The following GLIS3 variants were observed in gnomAD, a reference collection of about 807,000 sequenced individuals.
The protein encoded by GLIS3 is zinc finger protein GLIS3.
GLIS3 carries 53 observed loss-of-function variants against 78.6 expected under a neutral mutation model. That is an observed-to-expected ratio of 0.67 (90% confidence interval 0.54 to 0.85). GLIS3 has a LOEUF of 0.85. GLIS3 is among the 40% of genes least tolerant of loss of function. The probability of loss-of-function intolerance (pLI) is 0.00; values close to 1 mark genes in which losing one functional copy is unlikely to be tolerated. For synonymous variants in GLIS3, 684 were observed against 509.9 expected (o/e 1.34, Z -4.60); for missense variants, 1,703 against 1,231.1 (o/e 1.38, Z -5.74).
At chr9:4,397,514 G>A in the GLIS3 span, among the ~76,000 whole-genome samples, 2 of 151,730 alleles carry the variant, frequency 1.3e-5, no homozygotes, top group East Asian at 1.9e-4. Flanking sequence ...CCACCACCCA[G>A]AAACTGTTGA....
the GLIS3 span, among the ~76,000 whole-genome samples, chr9:4,373,189 G>C: frequency 2.6e-4 from 40 of 152,160 alleles, no homozygotes; most frequent in African/African-American, 8.9e-4. Context: ...GAACTTTCCT[G>C]ATAGTACCTG....
chr9:4,360,184 A>T, the GLIS3 span, among the ~76,000 whole-genome samples: 5 of 152,194 alleles, frequency 3.3e-5, no homozygotes, highest in African/African-American at 1.2e-4. Context: ...GGAGGATTGG[A>T]ATCATCACCC....
intron 4 of GLIS3, among the ~76,000 whole-genome samples, chr9:4,037,250 A>G (rs981696649): frequency 1.3e-5 from 2 of 152,206 alleles, no homozygotes; most frequent in Non-Finnish European, 2.9e-5. Context: ...ACAGGAGCCT[A>G]GCACGGATAC....
intron 9 of GLIS3, among the ~76,000 whole-genome samples, chr9:3,832,860 C>G (rs1259267843): frequency 1.3e-5 from 2 of 152,194 alleles, no homozygotes; most frequent in African/African-American, 4.8e-5. Context: ...ACTCCCACAA[C>G]TTCACAAATA....
rs1325257064 is a variant in GLIS3 at position 4,052,462 on chromosome 9, C to T, written c.1710+65306G>A. Among the ~76,000 whole-genome samples, 3 of 152,112 alleles carry T rather than the reference C, an allele frequency of 2.0e-5. No homozygotes were observed. The South Asian group carries it at 6.2e-4, about 32-fold the overall frequency. ...ACATTTTCATTACCCTGAAAGAAAG[C>T]CCTATAGCCATTTAGCCACTCCTCA... On this transcript the variant is annotated intron_variant, in intron 4 of 10. Transcript: ENST00000381971.
rs118187889 is a variant in GLIS3 at position 4,341,916 on chromosome 9, C to G, written n.264+5165G>C. On this transcript the variant is annotated intron_variant and non_coding_transcript_variant, in intron 2 of 4. Coordinates refer to the GLIS3 transcript ENST00000471664. ...TGTCTTCTTTTGAGAAGTATCTGTT[C>G]ATGTCCTTTGCCCATCTTTTAATGG... is the stretch of plus-strand genomic sequence containing the variant. Among the ~76,000 whole-genome samples, 164 of 152,282 alleles carry G rather than the reference C, an allele frequency of 1.1e-3. 4 individuals carry two copies. In the East Asian group the frequency reaches 0.028, roughly 26 times the overall value.
At chr9:3,881,194 T>A (rs1325537787) in intron 7 of GLIS3, among the ~76,000 whole-genome samples, 2 of 152,208 alleles carry the variant, frequency 1.3e-5, no homozygotes, top group Admixed American at 6.5e-5. Flanking sequence ...TTTGTCAGCA[T>A]GGAGCTTGGT....
At chr9:4,375,677 T>C in the GLIS3 span, among the ~76,000 whole-genome samples, 1 of 152,240 alleles carries the variant, frequency 6.6e-6, no homozygotes, top group East Asian at 1.9e-4. Context: ...TAAAACATGC[T>C]CATCATTGTC....
intron 6 of GLIS3, among the ~76,000 whole-genome samples, chr9:3,905,049 T>C (rs1277028430): frequency 1.3e-5 from 2 of 151,390 alleles, no homozygotes; most frequent in Non-Finnish European, 2.9e-5. Context: ...CTCGGCTCAC[T>C]GCAAGCTCTG....
intron 2 of GLIS3, 79 bp from the exon 3 acceptor site, chr9:4,126,020 T>A (rs1832548829): frequency 1.9e-6 from 2 of 1,065,846 alleles, no homozygotes; most frequent in Non-Finnish European, 2.9e-6. Flanking sequence ...CACGCTTATA[T>A]CAGGACCCAT....
chr9:4,285,828 A>T (rs762680720), intron 2 of GLIS3: 64 of 615,428 alleles, frequency 1.0e-4, no homozygotes, highest in Non-Finnish European at 1.6e-4. Flanking sequence ...GTCCCAGGAG[A>T]TGTCTCATAC....
chr9:4,487,491 A>T, the GLIS3 span, among the ~76,000 whole-genome samples: 4 of 152,272 alleles, frequency 2.6e-5, no homozygotes, highest in African/African-American at 9.6e-5. Context: ...CAAGCTGATA[A>T]GTGGTGGTGC....
intron 9 of GLIS3, among the ~76,000 whole-genome samples, chr9:3,830,719 C>T (rs541384817): frequency 1.3e-5 from 2 of 152,178 alleles, no homozygotes. Flanking sequence ...GTGTGCCTTC[C>T]TCTACTAGAA....
At chr9:4,472,495 A>G in the GLIS3 span, among the ~76,000 whole-genome samples, 1 of 152,110 alleles carries the variant, frequency 6.6e-6, no homozygotes. Context: ...TTCTGAGCAA[A>G]CTATCACAAG....
intron 4 of GLIS3, among the ~76,000 whole-genome samples, chr9:4,057,040 C>A (rs1303261347): frequency 6.6e-6 from 1 of 151,578 alleles, no homozygotes; most frequent in Non-Finnish European, 1.5e-5. Context: ...ACTGGCCATG[C>A]ATCTCCCACC....
At chr9:4,235,960 C>T (rs186240233) in intron 2 of GLIS3, among the ~76,000 whole-genome samples, 8 of 152,036 alleles carry the variant, frequency 5.3e-5, no homozygotes, top group African/African-American at 1.9e-4. Flanking sequence ...AACAAAATAA[C>T]TATGTAAAAG....
chr9:4,237,937 A>G (rs960065953), intron 2 of GLIS3, among the ~76,000 whole-genome samples: 1 of 152,212 alleles, frequency 6.6e-6, no homozygotes, highest in Admixed American at 6.5e-5. Context: ...GCAAGGGACA[A>G]GATGAATCCT....
intron 4 of GLIS3, among the ~76,000 whole-genome samples, chr9:4,005,955 G>C (rs1218858057): frequency 2.0e-5 from 3 of 152,166 alleles, no homozygotes; most frequent in African/African-American, 7.2e-5. Flanking sequence ...GTCTGAAGTG[G>C]TTCAGCATAG....
intron 2 of GLIS3, among the ~76,000 whole-genome samples, chr9:4,275,577 C>T (rs1001984552): frequency 2.0e-5 from 3 of 148,558 alleles, no homozygotes; most frequent in Non-Finnish European, 3.0e-5. Flanking sequence ...CTGGGCAACA[C>T]AACAAGATCC....
Sources: gnomAD v4.1 joint callset for allele counts (sites outside exome capture counted in the v4.1 genomes callset) on GRCh38, gnomAD v4.1.1 for gene constraint, MANE v1.5 for transcripts, NCBI Gene and HGNC (gene_info 2026-07-23, HGNC 2026-07-21) for gene names.